The following CMYA5 variants were observed in gnomAD, a reference collection of about 807,000 sequenced individuals.
CMYA5 encodes the protein cardiomyopathy-associated protein 5.
In CMYA5, 246 loss-of-function variants were observed where a neutral mutation model predicts 318.9. The observed-to-expected ratio is 0.77, with a 90% confidence interval of 0.70 to 0.86. CMYA5 has a LOEUF of 0.86. Ranked by LOEUF, CMYA5 falls within the 40% of genes least tolerant of loss-of-function variation. CMYA5 has a pLI of 0.00. For missense variants in CMYA5, 4,589 were observed against 4,678.2 expected (o/e 0.98, Z 0.56); for synonymous variants, 1,641 against 1,729.5 (o/e 0.95, Z 1.27).
At chr5:79,790,314 G>T (rs1302714611) in intron 10 of CMYA5, among the ~76,000 whole-genome samples, 1 of 151,832 alleles carries the variant, frequency 6.6e-6, no homozygotes, top group East Asian at 1.9e-4. Flanking sequence ...CTGTTGCCCA[G>T]GCTGGAGTGC....
At position 79,799,557 on chromosome 5, in the gene CMYA5, C is replaced by T. The variant is rs747135873; in HGVS notation, c.12151C>T (p.Pro4051Ser). ...GVHPAFALEK[P>S]GKCTLHLGIE... ...CCACCCTGCCTTTGCCCTGGAGAAA[C>T]CTGGAAAATGTACTTTGCACCTGGG... Residue 4051 changes from proline (P) to serine (S), a missense_variant, in exon 13 of 13, where the codon CCT becomes TCT. Around this residue, in one of 3 missense-constraint regions of CMYA5, gnomAD observed 2,431 missense variants for 2,495.1 expected, o/e 0.97. Coordinates refer to ENST00000446378, the MANE Select transcript of CMYA5 (RefSeq NM_153610.5). 31 of 1,613,838 alleles carry T rather than the reference C, an allele frequency of 1.9e-5. No homozygotes were observed. The Middle Eastern group carries it at 6.6e-4, about 34-fold the overall frequency.
chr5:79,694,681 C>A (rs1398526735), intron 1 of CMYA5, among the ~76,000 whole-genome samples: 24 of 152,194 alleles, frequency 1.6e-4, no homozygotes, highest in Non-Finnish European at 5.9e-5. Context: ...CAGGAATAAA[C>A]CTTTTGGAAG....
At position 79,743,336 on chromosome 5, in the gene CMYA5, A is replaced by T. The variant is rs201699646; in HGVS notation, c.10639-491A>T. ...GTCATTAGAACTTTTAGGTCCCTTTAGTAGGCAGTTTCTCTCAGTTGGTAT... is the reference window on the plus strand; with the variant it reads ...GTCATTAGAACTTTTAGGTCCCTTTTGTAGGCAGTTTCTCTCAGTTGGTAT... On this transcript the variant is annotated intron_variant, in intron 2 of 12. Transcript: ENST00000446378. Among the ~76,000 whole-genome samples the T allele has an allele frequency of 4.6e-5, 7 of 152,256 alleles. No homozygotes were observed. The East Asian group carries it at 1.4e-3, about 29-fold the overall frequency.
At chr5:79,694,209 C>T (rs979166706) in intron 1 of CMYA5, among the ~76,000 whole-genome samples, 5 of 152,216 alleles carry the variant, frequency 3.3e-5, no homozygotes, top group African/African-American at 9.6e-5. Flanking sequence ...TATGTTGTGT[C>T]TACTATACCA....
At chr5:79,726,989 C>G (rs1228822501) in intron 1 of CMYA5, among the ~76,000 whole-genome samples, 2 of 140,594 alleles carry the variant, frequency 1.4e-5, no homozygotes, top group African/African-American at 5.6e-5. Flanking sequence ...GATCTCAGCT[C>G]ACTGCAACCT....
Position 79,730,680 on chromosome 5 carries a change from G to A in CMYA5, c.1915G>A (p.Glu639Lys). The A allele has an allele frequency of 6.2e-7, 1 of 1,613,982 alleles. No individual in the cohort carries two copies. Among genetic ancestry groups the A allele is most frequent in the Non-Finnish European group, 8.5e-7 (1 of 1,179,876 alleles). Residue 639 changes from glutamate to lysine, a missense_variant, in exon 2 of 13, where the codon GAG becomes AAG. By Grantham distance (56) the Glu-to-Lys change is moderately conservative. Around this residue, in one of 3 missense-constraint regions of CMYA5, gnomAD observed 2,132 missense variants for 2,131.3 expected, o/e 1.00. Coordinates refer to ENST00000446378, the MANE Select transcript of CMYA5 (RefSeq NM_153610.5). ...GTCAGAAGAAGAGAATGAGGAATTT[G>A]AGGCTTATTCCCCAGCTGCAGCCCC... is the stretch of plus-strand genomic sequence containing the variant. ...VLSEEENEEF[E>K]AYSPAAAPTS...
At chr5:79,711,727 T>A (rs1213251508) in intron 1 of CMYA5, among the ~76,000 whole-genome samples, 1 of 152,228 alleles carries the variant, frequency 6.6e-6, no homozygotes, top group Non-Finnish European at 1.5e-5. Context: ...ACAAAGTTAA[T>A]GGCGCTAATA....
rs563480117 is a variant in CMYA5, at chr5:79,793,443, G to A, written c.11796G>A (p.Pro3932=). ...TGATTGACTTCACCCACAGAATCCC[G>A]TCAGTGCTGGGTGAGGAGCTGCCTT... The part of the protein sequence containing the change: ...FGERRRLTEI[P]SVLGEELPSC... The change falls in exon 12 of 13, where the codon CCG becomes CCA. Residue 3932 remains proline, a synonymous_variant. Transcript: ENST00000446378. 4.9e-5 allele frequency: 79 copies of A among 1,610,870 alleles called. No homozygotes were observed. In the East Asian group the frequency reaches 7.8e-4, roughly 16 times the overall value.
chr5:79,722,751 C>G (rs952673454), intron 1 of CMYA5, among the ~76,000 whole-genome samples: 2 of 149,764 alleles, frequency 1.3e-5, no homozygotes, highest in Non-Finnish European at 3.0e-5. Flanking sequence ...GATGACACAA[C>G]CAGTATCAAG....
At chr5:79,727,156 T>C (rs986917260) in intron 1 of CMYA5, among the ~76,000 whole-genome samples, 1 of 152,080 alleles carries the variant, frequency 6.6e-6, no homozygotes, top group Non-Finnish European at 1.5e-5. Context: ...CCTCAGGTGA[T>C]CCACCCGCCT....
intron 1 of CMYA5, among the ~76,000 whole-genome samples, chr5:79,709,866 C>A (rs1827349308): frequency 7.3e-6 from 1 of 136,836 alleles, no homozygotes; most frequent in South Asian, 2.3e-4. Flanking sequence ...GAGGCTGAGG[C>A]AGGAGAATTG....
Position 79,799,858 on chromosome 5 carries a change from T to TACGGCGAC in CMYA5, c.*242_*243insACGGCGAC. The TACGGCGAC allele has an allele frequency of 4.8e-6, 1 of 207,472 alleles. No individual in the cohort carries two copies. The highest frequency in any genetic ancestry group is 8.7e-6 in the Non-Finnish European group (1 of 115,052). 12.9% of individuals were successfully genotyped at this position (207,472 alleles called of 1,614,324 possible). On this transcript the variant is annotated 3_prime_UTR_variant, in exon 13 of 13. Coordinates refer to ENST00000446378, the MANE Select transcript of CMYA5 (RefSeq NM_153610.5). ...CTCTTTAGTTTATATAAGTTTGAGT[T>TACGGCGAC]CTTTCCTAAATTAAAAGATCTACAC... is the stretch of plus-strand genomic sequence containing the variant.
At chr5:79,712,860 A>T (rs1021054890) in intron 1 of CMYA5, among the ~76,000 whole-genome samples, 6 of 152,154 alleles carry the variant, frequency 3.9e-5, no homozygotes, top group African/African-American at 9.7e-5. Context: ...GGTTTATTTT[A>T]AAAAAGATCC....
chr5:79,736,835 A>C lies in CMYA5; in HGVS notation c.8070A>C (p.Thr2690=). Residue 2690 remains threonine (T), a synonymous_variant, in exon 2 of 13, where the codon ACA becomes ACC. Transcript: ENST00000446378. ...ELSKGGSVDI[T]KETVKQGFQE... ...CGAAAGGCGGTTCAGTAGATATCAC[A>C]AAAGAAACTGTGAAACAAGGATTTC... The C allele has an allele frequency of 1.2e-6, 2 of 1,612,720 alleles. No homozygotes were observed. The highest frequency in any genetic ancestry group is 2.2e-5 in the South Asian group (2 of 91,000).
chr5:79,741,650 G>A (rs1157915521), intron 2 of CMYA5, among the ~76,000 whole-genome samples: 1 of 152,076 alleles, frequency 6.6e-6, no homozygotes, highest in African/African-American at 2.4e-5. Context: ...GTGGAAGTGG[G>A]CCCCATTCTG....
chr5:79,721,138 T>A (rs186811491), intron 1 of CMYA5, among the ~76,000 whole-genome samples: 1 of 152,166 alleles, frequency 6.6e-6, no homozygotes, highest in Admixed American at 6.5e-5. Flanking sequence ...ATCACTAAAA[T>A]AATAGTCAAG....
At chr5:79,711,949 T>C (rs980169896) in intron 1 of CMYA5, among the ~76,000 whole-genome samples, 1 of 152,204 alleles carries the variant, frequency 6.6e-6, no homozygotes, top group Non-Finnish European at 1.5e-5. Context: ...CTTCACTCCC[T>C]CTTCGCATAT....
At chr5:79,724,196 C>G (rs985391215) in intron 1 of CMYA5, among the ~76,000 whole-genome samples, 3 of 151,718 alleles carry the variant, frequency 2.0e-5, no homozygotes, top group Non-Finnish European at 2.9e-5. Context: ...TGGTGGTGCC[C>G]GCCTGTAATC....
intron 1 of CMYA5, among the ~76,000 whole-genome samples, chr5:79,710,039 T>C (rs1827358875): frequency 6.6e-6 from 1 of 151,270 alleles, no homozygotes; most frequent in Non-Finnish European, 1.5e-5. Context: ...TACTCCTTCC[T>C]TTTCCAACTA....
Sources: gnomAD v4.1 joint callset for allele counts (sites outside exome capture counted in the v4.1 genomes callset) on GRCh38, gnomAD v4.1.1 for gene constraint, gnomAD v4.1.1 regional missense constraint, MANE v1.5 for transcripts, NCBI Gene and HGNC (gene_info 2026-07-23, HGNC 2026-07-21) for gene names.